ABLIM1: variants seen among roughly 807,000 people sequenced by gnomAD.
The protein encoded by ABLIM1 is actin binding LIM protein 1.
Under a neutral mutation model 107.0 loss-of-function variants are expected in ABLIM1, and 40 were observed. The observed-to-expected ratio is 0.37, with a 90% CI of 0.29 to 0.49. The LOEUF is 0.49. Ranked by LOEUF, ABLIM1 falls within the 20% of genes least tolerant of loss-of-function variation. The pLI, the probability that ABLIM1 is intolerant of heterozygous loss-of-function variation, is 0.97. For synonymous variants in ABLIM1, 357 were observed against 357.3 expected, an observed-to-expected ratio of 1.00 and a Z score of 0.01; for missense variants, 857 against 1,008.5, an observed-to-expected ratio of 0.85 and a Z score of 2.04.
intron 1 of ABLIM1, among the ~76,000 whole-genome samples, chr10:114,735,043 T>C (rs808337): frequency 0.057 from 8,665 of 152,264 alleles, 325 homozygotes; most frequent in Middle Eastern, 0.092. Flanking sequence ...CTTGGAATTC[T>C]TTTCTTTTTC....
intron 4 of ABLIM1, among the ~76,000 whole-genome samples, chr10:114,554,079 A>G (rs1177660343): frequency 1.3e-5 from 2 of 152,232 alleles, no homozygotes; most frequent in South Asian, 2.1e-4. Flanking sequence ...GAGGTTAATC[A>G]GAAATTTTGG....
intron 1 of ABLIM1, among the ~76,000 whole-genome samples, chr10:114,627,730 TC>T: frequency 6.6e-6 from 1 of 152,240 alleles, no homozygotes; most frequent in Non-Finnish European, 1.5e-5. Flanking sequence ...CCTTTATTAG[TC>T]CTTCTGTAGC....
At chr10:114,730,671 A>G (rs2082054473) in intron 1 of ABLIM1, among the ~76,000 whole-genome samples, 1 of 152,134 alleles carries the variant, frequency 6.6e-6, no homozygotes, top group South Asian at 2.1e-4. Context: ...TTTGAGATAC[A>G]ACGTACATAT....
Position 114,613,901 on chromosome 10 carries a change from T to C in ABLIM1, c.245-11940A>G, listed in dbSNP as rs142707840. ...AAACACATATAATCTGTCACCTTGC[T>C]AGGTATTCTTCTATTCATCCCGGTG... On this transcript the variant is annotated intron_variant, in intron 1 of 22. Coordinates refer to ENST00000533213, the MANE Select transcript of ABLIM1 (RefSeq NM_002313.7). The C allele has an allele frequency of 2.4e-3, 404 of 169,174 alleles. 3 individuals carry two copies. Among genetic ancestry groups the C allele is most frequent in the African/African-American group, 9.1e-3 (379 of 41,862 alleles). The allele number at this position is 169,174 out of a possible 1,614,324, so 10.5% of individuals were successfully genotyped here.
At chr10:114,471,471 G>T (rs1397259392) in intron 10 of ABLIM1, among the ~76,000 whole-genome samples, 2 of 152,134 alleles carry the variant, frequency 1.3e-5, no homozygotes, top group Non-Finnish European at 2.9e-5. Context: ...ACTCTGTGGG[G>T]TTCAATGGCA....
Position 114,571,386 on chromosome 10 carries a change from T to C in ABLIM1, c.584A>G (p.Asp195Gly). 6.2e-7 allele frequency: 1 copy of C among 1,614,132 alleles called. No homozygotes were observed. The highest frequency in any genetic ancestry group is 8.5e-7 in the Non-Finnish European group (1 of 1,180,016). The change falls in exon 4 of 23, where the codon GAC (aspartate) becomes GGC (glycine). Residue 195 changes from aspartate to glycine, a missense_variant. Asp to Gly is a moderately conservative substitution (Grantham distance 94, BLOSUM62 -1). Around this residue, in one of 5 missense-constraint regions of ABLIM1, gnomAD observed 381 missense variants for 506.9 expected, o/e 0.75. Coordinates refer to ENST00000533213, the MANE Select transcript of ABLIM1 (RefSeq NM_002313.7). ...TICKRPFPPGDRVTFNGRDCL... is the reference protein window; with the variant it reads ...TICKRPFPPGGRVTFNGRDCL... ...GTCTCTCCCATTGAATGTGACTCGG[T>C]CTCCGGGTGGAAACGGGCGCCTGGA...
chr10:114,477,916 G>T (rs952256884), intron 8 of ABLIM1, among the ~76,000 whole-genome samples: 1 of 152,138 alleles, frequency 6.6e-6, no homozygotes, highest in East Asian at 1.9e-4. Flanking sequence ...TAGAGATGGG[G>T]TTTCACCCCA....
At chr10:114,536,801 G>A (rs182886552) in intron 6 of ABLIM1, among the ~76,000 whole-genome samples, 134 of 152,224 alleles carry the variant, frequency 8.8e-4, no homozygotes, top group African/African-American at 3.1e-3. Context: ...TGCAGAGTCC[G>A]AGACCAGAGC....
intron 8 of ABLIM1, 38 bp from the exon 9 acceptor site, chr10:114,473,994 T>C: frequency 1.3e-6 from 2 of 1,536,792 alleles, no homozygotes; most frequent in Non-Finnish European, 1.8e-6. Context: ...CTTCGGACCC[T>C]GGCTTCAGAA....
At chr10:114,539,095 C>T (rs905781905) in intron 6 of ABLIM1, among the ~76,000 whole-genome samples, 1 of 152,340 alleles carries the variant, frequency 6.6e-6, no homozygotes, top group East Asian at 1.9e-4. Flanking sequence ...CAGTGGCTCA[C>T]GCCTATAATC....
intron 6 of ABLIM1, among the ~76,000 whole-genome samples, chr10:114,522,697 G>T (rs570057121): frequency 1.3e-5 from 2 of 152,220 alleles, no homozygotes. Context: ...ACACAAACAC[G>T]TATTTGCTAA....
At chr10:114,717,388 A>T (rs2081694266) in intron 1 of ABLIM1, among the ~76,000 whole-genome samples, 1 of 152,230 alleles carries the variant, frequency 6.6e-6, no homozygotes. Flanking sequence ...CTAACCTGTC[A>T]GCTAGGATTC....
At chr10:114,569,366 C>A (rs945072964) in intron 4 of ABLIM1, among the ~76,000 whole-genome samples, 1 of 151,332 alleles carries the variant, frequency 6.6e-6, no homozygotes, top group African/African-American at 2.4e-5. Flanking sequence ...GTTGCCCAGG[C>A]TGGAGTGCAG....
At chr10:114,586,031 C>T (rs2074149920) in intron 2 of ABLIM1, among the ~76,000 whole-genome samples, 1 of 152,134 alleles carries the variant, frequency 6.6e-6, no homozygotes, top group Non-Finnish European at 1.5e-5. Flanking sequence ...GGTGTCTGGA[C>T]CCTGTGTCCA....
At chr10:114,652,710 A>G (rs1462360173) in intron 1 of ABLIM1, among the ~76,000 whole-genome samples, 1 of 152,210 alleles carries the variant, frequency 6.6e-6, no homozygotes, top group Admixed American at 6.5e-5. Flanking sequence ...GGCTTTTGAT[A>G]ATAGTGCCAG....
At chr10:114,469,535 A>T (rs1157000478) in intron 10 of ABLIM1, among the ~76,000 whole-genome samples, 1 of 152,058 alleles carries the variant, frequency 6.6e-6, no homozygotes, top group Non-Finnish European at 1.5e-5. Flanking sequence ...GCTCAAACCC[A>T]CTGTCACACA....
At chr10:114,481,725 T>C (rs940431530) in intron 8 of ABLIM1, among the ~76,000 whole-genome samples, 55 of 152,300 alleles carry the variant, frequency 3.6e-4, no homozygotes, top group African/African-American at 1.1e-3. Flanking sequence ...CTTTCCAGTA[T>C]AAATCTTTAC....
At position 114,672,457 on chromosome 10, in the gene ABLIM1, T is replaced by G. The variant is rs919786149; in HGVS notation, c.64+11833A>C. ...CTCAGGTGATCCACCTGCCTCAGCC[T>G]CCCAAAGTGCTGGGATTACAGGCAT... On this transcript the variant is annotated intron_variant, in intron 1 of 23. Transcript: ENST00000369256. Among the ~76,000 whole-genome samples the G allele has an allele frequency of 7.9e-5, 12 of 152,276 alleles. No individual in the cohort carries two copies. The East Asian group carries it at 2.3e-3, about 29-fold the overall frequency.
chr10:114,473,366 AATAG>A (rs1389193121), intron 9 of ABLIM1, among the ~76,000 whole-genome samples: 9 of 152,204 alleles, frequency 5.9e-5, no homozygotes, highest in Admixed American at 2.0e-4. Context: ...GAATTCATGA[AATAG>A]ATAAATGTGC....
Sources: gnomAD v4.1 joint callset for allele counts (sites outside exome capture counted in the v4.1 genomes callset) on GRCh38, gnomAD v4.1.1 for gene constraint, gnomAD v4.1.1 regional missense constraint, MANE v1.5 for transcripts, NCBI Gene and HGNC (gene_info 2026-07-23, HGNC 2026-07-21) for gene names.